Variants in HBA2 observed in about 807,000 individuals in gnomAD.
HBA2 encodes the protein hemoglobin subunit alpha 2.
In HBA2, 9 loss-of-function variants were observed where a neutral mutation model predicts 5.6. The ratio of observed to expected loss-of-function variants is 1.60; its 90% CI spans 0.97 to 2.80. The LOEUF (loss-of-function observed/expected upper bound fraction) is 2.80. HBA2 is among the 30% of genes most tolerant of loss of function. HBA2 has a pLI of 0.00. For synonymous variants in HBA2, 38 were observed against 73.4 expected (o/e 0.52, Z 2.47); for missense variants, 86 against 152.1 (o/e 0.57, Z 2.29).
chr16:173,659 C>T lies in HBA2; in HGVS notation c.*59C>T. On this transcript the variant is annotated 3_prime_UTR_variant, in exon 3 of 3. Coordinates refer to ENST00000251595, the MANE Select transcript of HBA2 (RefSeq NM_000517.6). The stretch of plus-strand genomic sequence containing the variant: ...TGGGCCTCCCAACGGGCCCTCCTCC[C>T]CTCCTTGCACCGGCCCTTCCTGGTC... 1 of 1,597,520 alleles carries T rather than the reference C, an allele frequency of 6.3e-7. No individual in the cohort carries two copies. The highest frequency in any genetic ancestry group is 8.5e-7 in the Non-Finnish European group (1 of 1,173,040).
Position 173,269 on chromosome 16 carries a change from G to A in HBA2, c.240G>A (p.Ala80=), listed in dbSNP as rs1274534442. 4.0e-6 allele frequency: 6 copies of A among 1,499,272 alleles called. No individual in the cohort carries two copies. The highest frequency in any genetic ancestry group is 3.8e-5 in the Admixed American group (2 of 52,798). 92.9% of individuals were successfully genotyped at this position (1,499,272 alleles called of 1,614,324 possible). ...CGCACGTGGACGACATGCCCAACGC[G>A]CTGTCCGCCCTGAGCGACCTGCACG... is the stretch of plus-strand genomic sequence containing the variant. ...AVAHVDDMPN[A]LSALSDLHAH... The change falls in exon 2 of 3, where the codon GCG becomes GCA. Residue 80 remains alanine, a synonymous_variant. Transcript: ENST00000251595.
In HBA2 at chr16:173,599, A is replaced by C. The variant is rs41321345; in HGVS notation, c.428A>C (p.Ter143SerextTer31). ...ACCGTGCTGACCTCCAAATACCGTT[A>C]AGCTGGAGCCTCGGTAGCCGTTCCT... ...VSTVLTSKYR[*>S] The change falls in exon 3 of 3, where the codon TAA becomes TCA. Residue 143 changes from the stop codon to serine (S), a stop_lost. Transcript: ENST00000251595. The C allele has an allele frequency of 1.2e-6, 2 of 1,608,130 alleles. No homozygotes were observed. The highest frequency in any genetic ancestry group is 2.2e-5 in the South Asian group (2 of 89,802).
rs281864809 is a variant in HBA2, at chr16:172,950, C to T, written c.38C>T (p.Ala13Val). 8.1e-6 allele frequency: 3 copies of T among 369,882 alleles called. No individual in the cohort carries two copies. Among genetic ancestry groups the T allele is most frequent in the Non-Finnish European group, 1.4e-5 (3 of 219,338 alleles). The allele number at this position is 369,882 out of a possible 1,614,324, so 22.9% of individuals were successfully genotyped here. ...LSPADKTNVK[A>V]AWGKVGAHAG... ...CCTGCCGACAAGACCAACGTCAAGG[C>T]CGCCTGGGGTAAGGTCGGCGCGCAC... The change falls in exon 1 of 3, where the codon GCC (alanine) becomes GTC (valine). Residue 13 changes from alanine (A) to valine (V), a missense_variant. By Grantham distance (64) the Ala-to-Val change is moderately conservative. Around this residue, in one of 3 missense-constraint regions of HBA2, gnomAD observed 17 missense variants for 16.0 expected, o/e 1.06. Transcript: ENST00000251595.
rs63750367 is a variant in HBA2 at position 172,957 on chromosome 16, G to A, written c.45G>A (p.Trp15Ter). The A allele has an allele frequency of 5.2e-6, 2 of 387,994 alleles. No homozygotes were observed. The highest frequency in any genetic ancestry group is 1.0e-4 in the African/African-American group (1 of 9,650). 24.0% of individuals were successfully genotyped at this position (387,994 alleles called of 1,614,324 possible). ...ACAAGACCAACGTCAAGGCCGCCTG[G>A]GGTAAGGTCGGCGCGCACGCTGGCG... The part of the protein sequence containing the change: ...PADKTNVKAA[W>*]GKVGAHAGEY... The change falls in exon 1 of 3, where the codon TGG (tryptophan) becomes TGA (stop). Residue 15 changes from tryptophan (W) to a stop codon, truncating the protein, a stop_gained. Transcript: ENST00000251595. LOFTEE classifies it high-confidence loss of function.
rs41378349 is a variant in HBA2, at chr16:173,206, C to T, written c.177C>T (p.His59=). The change falls in exon 2 of 3, where the codon CAC becomes CAT. Residue 59 remains histidine (H), a synonymous_variant. Coordinates refer to ENST00000251595, the MANE Select transcript of HBA2 (RefSeq NM_000517.6). Reference sequence around the variant, plus strand: ...ACGGCTCTGCCCAGGTTAAGGGCCACGGCAAGAAGGTGGCCGACGCGCTGA... The same window carrying T: ...ACGGCTCTGCCCAGGTTAAGGGCCATGGCAAGAAGGTGGCCGACGCGCTGA... ...LSHGSAQVKG[H]GKKVADALTN... The T allele has an allele frequency of 2.6e-6, 3 of 1,136,462 alleles. No individual in the cohort carries two copies. Among genetic ancestry groups the T allele is most frequent in the South Asian group, 2.7e-5 (2 of 73,952 alleles). The allele number at this position is 1,136,462 out of a possible 1,614,324, so 70.4% of individuals were successfully genotyped here.
Position 173,148 on chromosome 16 carries a change from C to CTT in HBA2, c.119_120insTT (p.Lys41SerfsTer10). The CTT allele has an allele frequency of 1.3e-6, 1 of 773,720 alleles. No individual in the cohort carries two copies. The highest frequency in any genetic ancestry group is 3.5e-4 in the Middle Eastern group (1 of 2,818). The allele number at this position is 773,720 out of a possible 1,614,324, so 47.9% of individuals were successfully genotyped here. On this transcript the variant is annotated frameshift_variant, in exon 2 of 3. Coordinates refer to ENST00000251595, the MANE Select transcript of HBA2 (RefSeq NM_000517.6). LOFTEE classifies it high-confidence loss of function. ...AGGATGTTCCTGTCCTTCCCCACCA[C>CTT]CAAGACCTACTTCCCGCACTTCGAC...
rs770649322 is a variant in HBA2 at position 173,437 on chromosome 16, G to A, written c.301-35G>A. On this transcript the variant is annotated intron_variant, in intron 2 of 2. Transcript: ENST00000251595. ...GAGGTGTAGCGCAGGCGGCGGCTGC[G>A]GGCCTGGGCCGCACTGACCCTCTTC... 2.5e-6 allele frequency: 4 copies of A among 1,604,374 alleles called. No individual in the cohort carries two copies. In the Admixed American group the frequency reaches 6.7e-5, roughly 27 times the overall value.
rs373693318 is a variant in HBA2 at position 173,363 on chromosome 16, G to A, written c.300+34G>A. 49 of 1,601,032 alleles carry A rather than the reference G, an allele frequency of 3.1e-5. 2 individuals are homozygous for A. The East Asian group carries it at 4.7e-4, about 15-fold the overall frequency. On this transcript the variant is annotated intron_variant, in intron 2 of 2. Transcript: ENST00000251595. ...CGGGCCGGGAGCGATCTGGGTCGAGGGGCGAGATGGCGCCTTCCTCTCAGG... is the reference window on the plus strand; with the variant it reads ...CGGGCCGGGAGCGATCTGGGTCGAGAGGCGAGATGGCGCCTTCCTCTCAGG...
Position 173,268 on chromosome 16 carries a change from C to A in HBA2, c.239C>A (p.Ala80Glu). The A allele has an allele frequency of 6.7e-7, 1 of 1,496,000 alleles. No individual in the cohort carries two copies. The highest frequency in any genetic ancestry group is 8.9e-7 in the Non-Finnish European group (1 of 1,121,428). 92.7% of individuals were successfully genotyped at this position (1,496,000 alleles called of 1,614,324 possible). Residue 80 changes from alanine (A) to glutamate (E), a missense_variant, in exon 2 of 3, where the codon GCG becomes GAG. Ala to Glu is a moderately radical substitution (Grantham distance 107). Around this residue, in one of 3 missense-constraint regions of HBA2, gnomAD observed 25 missense variants for 81.3 expected, o/e 0.31. Coordinates refer to ENST00000251595, the MANE Select transcript of HBA2 (RefSeq NM_000517.6). ...GCGCACGTGGACGACATGCCCAACGCGCTGTCCGCCCTGAGCGACCTGCAC... is the reference window on the plus strand; with the variant it reads ...GCGCACGTGGACGACATGCCCAACGAGCTGTCCGCCCTGAGCGACCTGCAC... ...AVAHVDDMPN[A>E]LSALSDLHAH...
rs281864884 is a variant in HBA2 at position 173,505 on chromosome 16, G to A, written c.334G>A (p.Ala112Thr). ...CCACTGCCTGCTGGTGACCCTGGCCGCCCACCTCCCCGCCGAGTTCACCCC... is the reference window on the plus strand; with the variant it reads ...CCACTGCCTGCTGGTGACCCTGGCCACCCACCTCCCCGCCGAGTTCACCCC... ...LSHCLLVTLAAHLPAEFTPAV... is the reference protein window; with the variant it reads ...LSHCLLVTLATHLPAEFTPAV... The change falls in exon 3 of 3, where the codon GCC becomes ACC. Residue 112 changes from alanine (A) to threonine (T), a missense_variant. Ala to Thr is a moderately conservative substitution (Grantham distance 58). Around this residue, in one of 3 missense-constraint regions of HBA2, gnomAD observed 44 missense variants for 54.8 expected, o/e 0.80. Coordinates refer to ENST00000251595, the MANE Select transcript of HBA2 (RefSeq NM_000517.6). 6.2e-7 allele frequency: 1 copy of A among 1,606,296 alleles called. No individual in the cohort carries two copies. The highest frequency in any genetic ancestry group is 2.2e-5 in the East Asian group (1 of 44,840).
chr16:173,628 G>A lies in HBA2; in HGVS notation c.*28G>A. 1 of 1,608,174 alleles carries A rather than the reference G, an allele frequency of 6.2e-7. No homozygotes were observed. The highest frequency in any genetic ancestry group is 8.5e-7 in the Non-Finnish European group (1 of 1,179,812). On this transcript the variant is annotated 3_prime_UTR_variant, in exon 3 of 3. Coordinates refer to ENST00000251595, the MANE Select transcript of HBA2 (RefSeq NM_000517.6). ...TGGAGCCTCGGTAGCCGTTCCTCCTGCCCGCTGGGCCTCCCAACGGGCCCT... is the reference window on the plus strand; with the variant it reads ...TGGAGCCTCGGTAGCCGTTCCTCCTACCCGCTGGGCCTCCCAACGGGCCCT...
In HBA2 at chr16:173,636, G is replaced by T. The variant is rs748068060; in HGVS notation, c.*36G>T. On this transcript the variant is annotated 3_prime_UTR_variant, in exon 3 of 3. Transcript: ENST00000251595. ...CGGTAGCCGTTCCTCCTGCCCGCTG[G>T]GCCTCCCAACGGGCCCTCCTCCCCT... The T allele has an allele frequency of 6.8e-6, 11 of 1,607,972 alleles. 1 individual carries two copies. The South Asian group carries it at 1.1e-4, about 16-fold the overall frequency.
In HBA2 at chr16:173,532, GC is replaced by G. The variant is rs1370636416; in HGVS notation, c.362del (p.Ala121GlyfsTer13). The G allele has an allele frequency of 6.2e-7, 1 of 1,607,050 alleles. No individual in the cohort carries two copies. Among genetic ancestry groups the G allele is most frequent in the Non-Finnish European group, 8.5e-7 (1 of 1,179,786 alleles). On this transcript the variant is annotated frameshift_variant, in exon 3 of 3. Transcript: ENST00000251595. LOFTEE classifies it high-confidence loss of function. Reference protein sequence around the residue: ...AAHLPAEFTPAVHASLDKFLA... With the variant: ...AAHLPAEFTPXVHASLDKFLA... ...CCACCTCCCCGCCGAGTTCACCCCTGCGGTGCACGCCTCCCTGGACAAGTTC... is the reference window on the plus strand; with the variant it reads ...CCACCTCCCCGCCGAGTTCACCCCTGGGTGCACGCCTCCCTGGACAAGTTC...
At position 173,518 on chromosome 16, in the gene HBA2, C is replaced by A. The variant is rs281864888; in HGVS notation, c.347C>A (p.Ala116Asp). Residue 116 changes from alanine (A) to aspartate (D), a missense_variant, in exon 3 of 3, where the codon GCC (alanine) becomes GAC (aspartate). Physicochemically the swap from Ala to Asp is moderately radical, Grantham distance 126 (BLOSUM62 -2). Coordinates refer to ENST00000251595, the MANE Select transcript of HBA2 (RefSeq NM_000517.6). ...GTGACCCTGGCCGCCCACCTCCCCGCCGAGTTCACCCCTGCGGTGCACGCC... is the reference window on the plus strand; with the variant it reads ...GTGACCCTGGCCGCCCACCTCCCCGACGAGTTCACCCCTGCGGTGCACGCC... Reference protein sequence around the residue: ...LLVTLAAHLPAEFTPAVHASL... With the variant: ...LLVTLAAHLPDEFTPAVHASL... 1 of 1,606,894 alleles carries A rather than the reference C, an allele frequency of 6.2e-7. No homozygotes were observed. The highest frequency in any genetic ancestry group is 8.5e-7 in the Non-Finnish European group (1 of 1,179,800).
chr16:173,438 G>A (rs776445572), intron 2 of HBA2, 34 bp from the exon 3 acceptor site: 3 of 1,604,410 alleles, frequency 1.9e-6, no homozygotes, highest in Non-Finnish European at 1.7e-6. Flanking sequence ...GGCGGCTGCG[G>A]GCCTGGGCCG....
intron 1 of HBA2, 22 bp from the exon 2 acceptor site, chr16:173,103 C>G: frequency 1.7e-6 from 1 of 593,470 alleles, no homozygotes; most frequent in Non-Finnish European, 2.8e-6. Flanking sequence ...AACCCCACCC[C>G]TCACTCTGCT....
intron 2 of HBA2, 71 bp from the exon 3 acceptor site, chr16:173,401 G>A: frequency 6.2e-7 from 1 of 1,604,892 alleles, no homozygotes; most frequent in East Asian, 2.2e-5. Flanking sequence ...AGAGGATCAC[G>A]CGGGTTGCGG....
chr16:173,627 T>A lies in HBA2; in HGVS notation c.*27T>A. On this transcript the variant is annotated 3_prime_UTR_variant, in exon 3 of 3. Coordinates refer to ENST00000251595, the MANE Select transcript of HBA2 (RefSeq NM_000517.6). Reference sequence around the variant, plus strand: ...CTGGAGCCTCGGTAGCCGTTCCTCCTGCCCGCTGGGCCTCCCAACGGGCCC... The same window carrying A: ...CTGGAGCCTCGGTAGCCGTTCCTCCAGCCCGCTGGGCCTCCCAACGGGCCC... 1.2e-6 allele frequency: 2 copies of A among 1,608,362 alleles called. No homozygotes were observed. The highest frequency in any genetic ancestry group is 1.7e-6 in the Non-Finnish European group (2 of 1,179,852).
rs374396930 is a variant in HBA2, at chr16:173,436, C to G, written c.301-36C>G. On this transcript the variant is annotated intron_variant, in intron 2 of 2. Transcript: ENST00000251595. ...GGAGGTGTAGCGCAGGCGGCGGCTG[C>G]GGGCCTGGGCCGCACTGACCCTCTT... The G allele has an allele frequency of 1.9e-6, 3 of 1,604,118 alleles. No homozygotes were observed. The East Asian group carries it at 6.7e-5, about 36-fold the overall frequency.
Sources: allele counts gnomAD v4.1 joint callset, GRCh38; gene constraint gnomAD v4.1.1; regional missense constraint gnomAD v4.1.1; transcripts MANE v1.5; gene names NCBI Gene and HGNC (gene_info 2026-07-23, HGNC 2026-07-21).